Variants in EBF3 observed in about 807,000 individuals in gnomAD.
The protein encoded by EBF3 is transcription factor COE3.
EBF3 carries 18 observed loss-of-function variants against 77.1 expected under a neutral mutation model. The observed-to-expected ratio is 0.23, with a 90% CI of 0.16 to 0.35. The LOEUF is 0.35. Ranked by LOEUF, EBF3 falls within the 10% of genes least tolerant of loss-of-function variation. The pLI is 1.00. For synonymous variants in EBF3, 350 were observed against 343.5 expected (o/e 1.02, Z -0.21); for missense variants, 558 against 860.0 (o/e 0.65, Z 4.39).
chr10:129,868,154 A>G (rs538320250), intron 8 of EBF3, among the ~76,000 whole-genome samples: 1 of 152,390 alleles, frequency 6.6e-6, no homozygotes, highest in South Asian at 2.1e-4. Context: ...GGCTTGATAT[A>G]GCAAATTATG....
At position 129,941,672 on chromosome 10, in the gene EBF3, C is replaced by T. The variant is rs532143308; in HGVS notation, c.554+15586G>A. Among the ~76,000 whole-genome samples, 53 of 152,326 alleles carry T rather than the reference C, an allele frequency of 3.5e-4. 1 individual carries two copies. The highest frequency in any genetic ancestry group is 7.2e-4 in the Admixed American group (11 of 15,308). On this transcript the variant is annotated intron_variant, in intron 6 of 16. Transcript: ENST00000440978. ...AGGAGATGGCCAGGGCAGTGAGCAG[C>T]GCTCCATCCCCAGGGCCTGGAGGCC...
intron 6 of EBF3, among the ~76,000 whole-genome samples, chr10:129,895,571 C>T (rs1004317860): frequency 2.6e-5 from 4 of 152,168 alleles, no homozygotes; most frequent in Non-Finnish European, 2.9e-5. Flanking sequence ...CATCAGGGGA[C>T]AAAGGAGTGA....
In EBF3 at chr10:129,897,653, C is replaced by T. The variant is rs1854490206; in HGVS notation, c.555-19804G>A. On this transcript the variant is annotated intron_variant, in intron 6 of 16. Coordinates refer to ENST00000440978, the MANE Select transcript of EBF3 (RefSeq NM_001375380.1). The surrounding 1 kb of genome is among the most constrained non-coding windows in gnomAD (Gnocchi z 4.6). ...CCTGCCCACTGTGCCTGCCTCAGAG[C>T]CCTGACGGACAGCTGACATTCTCCT... Among the ~76,000 whole-genome samples, 1 of 152,190 alleles carries T rather than the reference C, an allele frequency of 6.6e-6. No individual in the cohort carries two copies.
intron 6 of EBF3, among the ~76,000 whole-genome samples, chr10:129,945,476 G>A (rs988466330): frequency 1.1e-4 from 16 of 152,180 alleles, no homozygotes; most frequent in Non-Finnish European, 1.9e-4. Context: ...ATTCCGTACA[G>A]TCCTCCGGCC....
Position 129,837,757 on chromosome 10 carries a change from G to A in EBF3, c.*186C>T. ...TCATGAAGAAGTAGGCTGTTTGCATGTTGATTCTTAATAGTTTAAATAAAA... is the reference window on the plus strand; with the variant it reads ...TCATGAAGAAGTAGGCTGTTTGCATATTGATTCTTAATAGTTTAAATAAAA... On this transcript the variant is annotated 3_prime_UTR_variant, in exon 17 of 17. Transcript: ENST00000440978. 1.4e-6 allele frequency: 1 copy of A among 702,122 alleles called. No individual in the cohort carries two copies. The allele number at this position is 702,122 out of a possible 1,614,324, so 43.5% of individuals were successfully genotyped here. A position where few individuals can be genotyped will look rare whatever the true frequency, so the allele number is the denominator to read the frequency against.
At chr10:129,847,093 GGGA>G (rs1850521528) in intron 11 of EBF3, among the ~76,000 whole-genome samples, 1 of 152,152 alleles carries the variant, frequency 6.6e-6, no homozygotes, top group Non-Finnish European at 1.5e-5. Flanking sequence ...GCTGCCAGCG[GGGA>G]GGACTGTGCT....
intron 8 of EBF3, among the ~76,000 whole-genome samples, chr10:129,872,209 G>T (rs1163027879): frequency 6.6e-6 from 1 of 152,100 alleles, no homozygotes; most frequent in East Asian, 1.9e-4. Context: ...TGAGGACCGG[G>T]GATTCAACCT....
Position 129,841,113 on chromosome 10 carries a change from T to G in EBF3, c.1373-81A>C. ...GGGGGGGGTTCCCCGAGAATCTATA[T>G]CATATATTAACATTGCTAATTGACC... On this transcript the variant is annotated intron_variant, in intron 13 of 16. Transcript: ENST00000440978. This position sits in a 1 kb window ranked among gnomAD's most constrained non-coding sequence, Gnocchi z 4.6. 6.5e-7 allele frequency: 1 copy of G among 1,536,234 alleles called. No individual in the cohort carries two copies. The highest frequency in any genetic ancestry group is 8.8e-7 in the Non-Finnish European group (1 of 1,136,164).
intron 7 of EBF3, among the ~76,000 whole-genome samples, chr10:129,875,772 G>T (rs1852733694): frequency 6.6e-6 from 1 of 152,214 alleles, no homozygotes; most frequent in Non-Finnish European, 1.5e-5. Context: ...GCCCTGGTGG[G>T]AGGTGGCTTT....
rs550313357 is a variant in EBF3, at chr10:129,842,879, C to T, written c.1194+258G>A. Among the ~76,000 whole-genome samples, 3 of 152,242 alleles carry T rather than the reference C, an allele frequency of 2.0e-5. No individual in the cohort carries two copies. The highest frequency in any genetic ancestry group is 7.2e-5 in the African/African-American group (3 of 41,540). On this transcript the variant is annotated intron_variant, in intron 12 of 16. Coordinates refer to ENST00000440978, the MANE Select transcript of EBF3 (RefSeq NM_001375380.1). This position sits in a 1 kb window ranked among gnomAD's most constrained non-coding sequence, Gnocchi z 4.4. ...CACCAACACCGTCCACCCGCCACTG[C>T]ACACTGCAGATGGGTTTCAAGGCTG... is the stretch of plus-strand genomic sequence containing the variant.
intron 6 of EBF3, among the ~76,000 whole-genome samples, chr10:129,883,390 T>G (rs989087553): frequency 6.6e-6 from 1 of 152,166 alleles, no homozygotes; most frequent in African/African-American, 2.4e-5. Context: ...CGGCCCTCAA[T>G]GATGGGTAAT....
chr10:129,964,031 G>A lies in EBF3; in HGVS notation c.-263C>T. ...AGCAGGACGCGGTGGCCGCGGCGGC[G>A]CTTGTTGTTGTTGTTGTTTGCAGGC... On this transcript the variant is annotated 5_prime_UTR_variant, in exon 1 of 17. Coordinates refer to ENST00000440978, the MANE Select transcript of EBF3 (RefSeq NM_001375380.1). The surrounding 1 kb of genome is among the most constrained non-coding windows in gnomAD (Gnocchi z 4.5). 1.0e-6 allele frequency: 1 copy of A among 985,196 alleles called. No homozygotes were observed. Among genetic ancestry groups the A allele is most frequent in the Non-Finnish European group, 1.2e-6 (1 of 829,842 alleles). The allele number at this position is 985,196 out of a possible 1,614,324, so 61.0% of individuals were successfully genotyped here. A position where few individuals can be genotyped will look rare whatever the true frequency, so the allele number is the denominator to read the frequency against.
At position 129,963,908 on chromosome 10, in the gene EBF3, G is replaced by A; in HGVS notation, c.-140C>T. 3 of 1,132,894 alleles carry A rather than the reference G, an allele frequency of 2.6e-6. No individual in the cohort carries two copies. The South Asian group carries it at 1.1e-4, about 42-fold the overall frequency. The allele number at this position is 1,132,894 out of a possible 1,614,324, so 70.2% of individuals were successfully genotyped here. ...CGGTCCGGCCCCGCCGCCGGCTTCA[G>A]CCCGTCCCGGGCAGGCGCGACATAC... On this transcript the variant is annotated 5_prime_UTR_variant, in exon 1 of 17. Coordinates refer to ENST00000440978, the MANE Select transcript of EBF3 (RefSeq NM_001375380.1). This position sits in a 1 kb window ranked among gnomAD's most constrained non-coding sequence, Gnocchi z 7.1.
At chr10:129,918,645 C>CT (rs1856059144) in intron 6 of EBF3, among the ~76,000 whole-genome samples, 1 of 152,208 alleles carries the variant, frequency 6.6e-6, no homozygotes, top group Non-Finnish European at 1.5e-5. Flanking sequence ...CCCTACCCCC[C>CT]TCCCCAGCTC....
rs1284819536 is a variant in EBF3, at chr10:129,842,302, G to C, written c.1195-9C>G. The C allele has an allele frequency of 2.6e-6, 4 of 1,566,992 alleles. No individual in the cohort carries two copies. Among genetic ancestry groups the C allele is most frequent in the Non-Finnish European group, 3.5e-6 (4 of 1,154,794 alleles). ...CGCTTCAAGATGATCTCCTGCAGCA[G>C]GAGCAAGTGGGAGCCGGCCTGTCAC... is the stretch of plus-strand genomic sequence containing the variant. On this transcript the variant is annotated splice_polypyrimidine_tract_variant and intron_variant, in intron 12 of 16. Coordinates refer to ENST00000440978, the MANE Select transcript of EBF3 (RefSeq NM_001375380.1). This position sits in a 1 kb window ranked among gnomAD's most constrained non-coding sequence, Gnocchi z 4.4.
rs1491368743 is a variant in EBF3 at position 129,948,259 on chromosome 10, C to CCAAAAAAAAAAAAAAA, written c.554+8998_554+8999insTTTTTTTTTTTTTTTG. Among the ~76,000 whole-genome samples, 2 of 45,754 alleles carry CCAAAAAAAAAAAAAAA rather than the reference C, an allele frequency of 4.4e-5. 1 individual carries two copies. The allele number at this position is 45,754 out of a possible 152,430, so 30.0% of individuals were successfully genotyped here. On this transcript the variant is annotated intron_variant, in intron 6 of 16. Transcript: ENST00000440978. Reference sequence around the variant, plus strand: ...GGCAACAAGAGCAAAAACTCCGTCTCAAAAAAAAAAAAAAAAAAAAAAAAA... The same window carrying CCAAAAAAAAAAAAAAA: ...GGCAACAAGAGCAAAAACTCCGTCTCCAAAAAAAAAAAAAAAAAAAAAAAAAAAAAAAAAAAAAAAA...
chr10:129,882,179 CTCTA>C (rs1298148739), intron 6 of EBF3, among the ~76,000 whole-genome samples: 2 of 152,254 alleles, frequency 1.3e-5, no homozygotes, highest in Admixed American at 6.5e-5. Flanking sequence ...ACCAGAGCTT[CTCTA>C]TCTGATGAAA....
rs746878929 is a variant in EBF3, at chr10:129,842,256, G to A, written c.1232C>T (p.Ala411Val). The change falls in exon 13 of 17, where the codon GCG becomes GTG. Residue 411 changes from alanine (A) to valine (V), a missense_variant. Ala to Val is a moderately conservative substitution (Grantham distance 64). Around this residue, in one of 5 missense-constraint regions of EBF3, gnomAD observed 284 missense variants for 368.3 expected, o/e 0.77. Coordinates refer to ENST00000440978, the MANE Select transcript of EBF3 (RefSeq NM_001375380.1). This position sits in a 1 kb window ranked among gnomAD's most constrained non-coding sequence, Gnocchi z 4.4. ...ILKRAADIAEALYSVPRNHNQ... is the reference protein window; with the variant it reads ...ILKRAADIAEVLYSVPRNHNQ... Reference sequence around the variant, plus strand: ...GTGATTGCGGGGAACGCTGTACAGCGCCTCGGCGATGTCCGCCGCTCGCTT... The same window carrying A: ...GTGATTGCGGGGAACGCTGTACAGCACCTCGGCGATGTCCGCCGCTCGCTT... 90 of 1,610,890 alleles carry A rather than the reference G, an allele frequency of 5.6e-5. No homozygotes were observed. The highest frequency in any genetic ancestry group is 6.8e-5 in the Non-Finnish European group (80 of 1,178,292).
rs183554653 is a variant in EBF3 at position 129,944,509 on chromosome 10, G to A, written c.554+12749C>T. 2.0e-4 allele frequency among the ~76,000 whole-genome samples: 31 copies of A among 152,204 alleles called. No homozygotes were observed. Among genetic ancestry groups the A allele is most frequent in the Middle Eastern group, 3.4e-3 (1 of 294 alleles). Reference sequence around the variant, plus strand: ...ATAAGTCAGATGAATTAATATAGGCGGTGTAGGACCTCTCTTGCCACTGAT... The same window carrying A: ...ATAAGTCAGATGAATTAATATAGGCAGTGTAGGACCTCTCTTGCCACTGAT... On this transcript the variant is annotated intron_variant, in intron 6 of 16. Coordinates refer to ENST00000440978, the MANE Select transcript of EBF3 (RefSeq NM_001375380.1). The surrounding 1 kb of genome is among the most constrained non-coding windows in gnomAD (Gnocchi z 5.1).
Sources: allele counts gnomAD v4.1 joint callset (sites outside exome capture counted in the v4.1 genomes callset), GRCh38; gene constraint gnomAD v4.1.1; regional missense constraint gnomAD v4.1.1; non-coding constraint Gnocchi (gnomAD v3.1); transcripts MANE v1.5; gene names NCBI Gene and HGNC (gene_info 2026-07-23, HGNC 2026-07-21).